The following PARVG variants were observed in gnomAD, a reference collection of about 807,000 sequenced individuals.
The protein encoded by PARVG is parvin gamma.
PARVG carries 36 observed loss-of-function variants against 44.4 expected under a neutral mutation model. The ratio of observed to expected loss-of-function variants is 0.81; its 90% CI spans 0.62 to 1.07. The LOEUF (loss-of-function observed/expected upper bound fraction) is 1.07, where lower values mean the gene tolerates loss of function less well. Among genes scored for constraint, PARVG ranks in the 50% least tolerant of loss-of-function variants. PARVG has a pLI of 0.00. For missense variants in PARVG, 407 were observed against 407.4 expected (o/e 1.00, Z 0.01); for synonymous variants, 170 against 174.1 (o/e 0.98, Z 0.19).
intron 8 of PARVG, 37 bp downstream of exon 8, chr22:44,192,141 GCTCACAGCGGTGGATGGGGGCAGGGT>G: frequency 6.2e-7 from 1 of 1,607,616 alleles, no homozygotes; most frequent in Non-Finnish European, 8.5e-7. Flanking sequence ...TGGGGCTGGG[GCTCACAGCGGTGGATGGGGGCAGGGT>G]GGGGGCCAGG....
chr22:44,174,579 A>C (rs1320862736), intron 1 of PARVG, among the ~76,000 whole-genome samples: 1 of 151,374 alleles, frequency 6.6e-6, no homozygotes, highest in Non-Finnish European at 1.5e-5. Context: ...ACCCACAAAA[A>C]ATAAAAATTA....
At chr22:44,201,002 G>A (rs12167386) in intron 12 of PARVG, among the ~76,000 whole-genome samples, 1 of 151,964 alleles carries the variant, frequency 6.6e-6, no homozygotes. Context: ...CCGACTCCCA[G>A]CCACAGCCAC....
chr22:44,173,451 G>C (rs2054289656), intron 1 of PARVG, among the ~76,000 whole-genome samples: 1 of 152,160 alleles, frequency 6.6e-6, no homozygotes, highest in African/African-American at 2.4e-5. Flanking sequence ...GGTCATAGCA[G>C]GTTTCAGGTG....
intron 13 of PARVG, 50 bp from the exon 14 acceptor site, chr22:44,206,267 T>C (rs754641594): frequency 7.4e-7 from 1 of 1,355,652 alleles, no homozygotes; most frequent in South Asian, 1.2e-5. Flanking sequence ...GGACAGTCGG[T>C]CACTGCCACC....
At chr22:44,193,762 T>C (rs1208545093) in intron 8 of PARVG, 39 bp from the exon 9 acceptor site, 2 of 1,608,528 alleles carry the variant, frequency 1.2e-6, no homozygotes, top group East Asian at 4.5e-5. Context: ...GGGTGTTTTT[T>C]TTTTAACCAT....
upstream of PARVG, among the ~76,000 whole-genome samples, chr22:44,177,141 T>G (rs1363557501): frequency 2.0e-5 from 3 of 152,180 alleles, no homozygotes; most frequent in African/African-American, 7.2e-5. Flanking sequence ...TTTATCCTCT[T>G]CACTCTCTTT....
At position 44,189,111 on chromosome 22, in the gene PARVG, C is replaced by T; in HGVS notation, c.248-3C>T. On this transcript the variant is annotated splice_polypyrimidine_tract_variant and splice_region_variant and intron_variant, in intron 5 of 13. Transcript: ENST00000444313. ...GGTCCTCACCACCCTCTCCTGCCTC[C>T]AGAGAGGCTGGCGGCGCTCAAGCTG... The T allele has an allele frequency of 6.2e-7, 1 of 1,614,028 alleles. No individual in the cohort carries two copies. Among genetic ancestry groups the T allele is most frequent in the South Asian group, 1.1e-5 (1 of 91,080 alleles).
intron 1 of PARVG, among the ~76,000 whole-genome samples, chr22:44,173,432 C>G (rs1040361394): frequency 7.2e-5 from 11 of 152,154 alleles, no homozygotes; most frequent in African/African-American, 2.4e-4. Context: ...ATAAACTCTC[C>G]TTGGCACAGG....
At chr22:44,185,901 C>T (rs1344012501) in intron 4 of PARVG, 29 bp downstream of exon 4, 1 of 1,599,494 alleles carries the variant, frequency 6.3e-7, no homozygotes, top group East Asian at 2.2e-5. Flanking sequence ...CCCTGACTTC[C>T]CTGGGTGCCT....
intron 1 of PARVG, among the ~76,000 whole-genome samples, chr22:44,174,386 T>C (rs1601721358): frequency 6.6e-6 from 1 of 152,230 alleles, no homozygotes; most frequent in Non-Finnish European, 1.5e-5. Context: ...CAGGTGGCTT[T>C]AATTCTTTGT....
chr22:44,200,083 G>A (rs2054685881), intron 12 of PARVG, among the ~76,000 whole-genome samples: 1 of 152,174 alleles, frequency 6.6e-6, no homozygotes, highest in Non-Finnish European at 1.5e-5. Flanking sequence ...CCGCTGGCTA[G>A]TCCTGCCTCC....
chr22:44,198,925 C>CGT (rs2054658394), intron 12 of PARVG, among the ~76,000 whole-genome samples: 1 of 46,248 alleles, frequency 2.2e-5, no homozygotes, highest in African/African-American at 6.7e-5. Context: ...CATCCATCTA[C>CGT]CCATCCATCC....
At chr22:44,176,586 ATTT>A (rs139113), upstream of PARVG, among the ~76,000 whole-genome samples, 2 of 149,324 alleles carry the variant, frequency 1.3e-5, no homozygotes, top group African/African-American at 2.5e-5. Context: ...AACACATTGG[ATTT>A]TTTTTTTTTA....
intron 1 of PARVG, among the ~76,000 whole-genome samples, chr22:44,175,283 G>T (rs532463013): frequency 6.6e-6 from 1 of 152,208 alleles, no homozygotes; most frequent in Non-Finnish European, 1.5e-5. Context: ...TTTCCTGGTG[G>T]CCAGTCTCTG....
upstream of PARVG, among the ~76,000 whole-genome samples, chr22:44,179,842 G>A (rs1013903917): frequency 2.6e-5 from 4 of 151,664 alleles, no homozygotes; most frequent in African/African-American, 9.7e-5. This position sits in a 1 kb window ranked among gnomAD's most constrained non-coding sequence, Gnocchi z 4.2. Flanking sequence ...TGATTCTCAA[G>A]CTGTTGGAAG....
At chr22:44,185,707 C>A in intron 3 of PARVG, 101 bp from the exon 4 acceptor site, 1 of 990,978 alleles carries the variant, frequency 1.0e-6, no homozygotes, top group South Asian at 1.4e-5. Context: ...GGACCGGTGC[C>A]CCTGGGTCTG....
At chr22:44,173,002 G>A (rs1319887175) in exon 1 of PARVG, 2 of 1,289,612 alleles carry the variant, frequency 1.6e-6, no homozygotes, top group Non-Finnish European at 2.0e-6. Flanking sequence ...AGCAGTCATG[G>A]ATGGTGCCAG....
intron 8 of PARVG, among the ~76,000 whole-genome samples, chr22:44,192,938 T>C (rs1399928198): frequency 6.6e-6 from 1 of 152,172 alleles, no homozygotes; most frequent in Non-Finnish European, 1.5e-5. Flanking sequence ...TGTGTGGCGC[T>C]AACTCACGAT....
intron 12 of PARVG, among the ~76,000 whole-genome samples, chr22:44,199,701 G>T (rs1328877303): frequency 6.6e-6 from 1 of 152,226 alleles, no homozygotes; most frequent in Non-Finnish European, 1.5e-5. Flanking sequence ...CATTGCATCA[G>T]AGGGGAGCCG....
Sources: gnomAD v4.1 joint callset for allele counts (sites outside exome capture counted in the v4.1 genomes callset) on GRCh38, gnomAD v4.1.1 for gene constraint, Gnocchi (gnomAD v3.1) non-coding constraint, MANE v1.5 for transcripts, NCBI Gene and HGNC (gene_info 2026-07-23, HGNC 2026-07-21) for gene names.